The following NEDD4L variants were observed in gnomAD, a reference collection of about 807,000 sequenced individuals.
NEDD4L encodes the protein NEDD4 like E3 ubiquitin protein ligase.
In NEDD4L, 54 loss-of-function variants were observed where a neutral mutation model predicts 148.9. The ratio of observed to expected loss-of-function variants is 0.36; its 90% CI spans 0.29 to 0.45. The LOEUF is 0.45. Among genes scored for constraint, NEDD4L ranks in the 20% least tolerant of loss-of-function variants. The pLI is 1.00. For missense variants in NEDD4L, 856 were observed against 1,233.8 expected (o/e 0.69, Z 4.59); for synonymous variants, 433 against 440.7 (o/e 0.98, Z 0.22).
In NEDD4L at chr18:58,102,913, A is replaced by G. The variant is rs146863006; in HGVS notation, c.48+58205A>G. Among the ~76,000 whole-genome samples the G allele has an allele frequency of 1.3e-3, 191 of 152,302 alleles. 1 individual carries two copies. The highest frequency in any genetic ancestry group is 4.2e-3 in the African/African-American group (174 of 41,566). ...TATGTACTGTAAAATTGTAATCTTG[A>G]AAGTTTGATCCTGTGGCAGCTGCTA... On this transcript the variant is annotated intron_variant, in intron 1 of 30. Transcript: ENST00000400345.
chr18:58,130,486 G>A lies in NEDD4L; in HGVS notation c.49-35302G>A, dbSNP rs190502060. Among the ~76,000 whole-genome samples, 405 of 138,616 alleles carry A rather than the reference G, an allele frequency of 2.9e-3. 3 individuals are homozygous for A. Among genetic ancestry groups the A allele is most frequent in the Non-Finnish European group, 5.1e-3 (324 of 63,450 alleles). The allele number at this position is 138,616 out of a possible 152,430, so 90.9% of individuals were successfully genotyped here. A position where few individuals can be genotyped will look rare whatever the true frequency, so the allele number is the denominator to read the frequency against. The stretch of plus-strand genomic sequence containing the variant: ...ATCTAGCGGAACTGTGGCGGTGTTG[G>A]GCTCTGTTGGGGTTTGGTTGTGATC... On this transcript the variant is annotated intron_variant, in intron 1 of 30. Transcript: ENST00000400345.
chr18:58,349,356 A>T (rs1251155765), intron 16 of NEDD4L, among the ~76,000 whole-genome samples, 181 bp from the exon 17 acceptor site: 3 of 152,136 alleles, frequency 2.0e-5, no homozygotes, highest in African/African-American at 7.2e-5. Flanking sequence ...GGAAGAGTAC[A>T]GTCTGTCTCG....
intron 2 of NEDD4L, among the ~76,000 whole-genome samples, chr18:58,221,928 T>A (rs1691177410): frequency 6.6e-6 from 1 of 152,180 alleles, no homozygotes; most frequent in African/African-American, 2.4e-5. Context: ...CTATAATTGG[T>A]CAATTTTACC....
chr18:58,343,313 G>T lies in NEDD4L; in HGVS notation c.1575+210G>T, dbSNP rs3816005. 0.3 allele frequency among the ~76,000 whole-genome samples: 45,497 copies of T among 151,944 alleles called. 7,005 individuals carry two copies. The highest frequency in any genetic ancestry group is 0.4 in the Middle Eastern group (117 of 294). On this transcript the variant is annotated intron_variant, in intron 16 of 30. Coordinates refer to ENST00000400345, the MANE Select transcript of NEDD4L (RefSeq NM_001144967.3). ...GCTGGTAGCTGTCTTTGGTATTGGT[G>T]CTGGGACTGCCTTTTCTCCTGGGAA...
chr18:58,174,025 G>A (rs915131074), intron 2 of NEDD4L, among the ~76,000 whole-genome samples: 1 of 152,190 alleles, frequency 6.6e-6, no homozygotes, highest in Admixed American at 6.5e-5. Context: ...ACCATGCTGG[G>A]GTGCCCTAGC....
At chr18:58,154,981 T>C (rs958143465) in intron 1 of NEDD4L, among the ~76,000 whole-genome samples, 1 of 152,214 alleles carries the variant, frequency 6.6e-6, no homozygotes, top group Non-Finnish European at 1.5e-5. Context: ...GTCCATATTA[T>C]GACAATTCAA....
chr18:58,186,424 C>T (rs1458080840), intron 2 of NEDD4L, among the ~76,000 whole-genome samples: 1 of 152,194 alleles, frequency 6.6e-6, no homozygotes, highest in Admixed American at 6.5e-5. Context: ...GTAAATTGGC[C>T]TCTAGCCCAT....
Position 58,351,074 on chromosome 18 carries a change from G to T in NEDD4L, c.1708+29G>T, listed in dbSNP as rs544117738. The stretch of plus-strand genomic sequence containing the variant: ...AGTAGGCGCTGTTATGGACACACAG[G>T]TGTTGTGGGTTAGAGGGAAGGAGTA... On this transcript the variant is annotated intron_variant, in intron 18 of 30. Transcript: ENST00000400345. The T allele has an allele frequency of 3.2e-6, 5 of 1,568,062 alleles. No individual in the cohort carries two copies. The East Asian group carries it at 1.2e-4, about 36-fold the overall frequency.
chr18:58,110,291 G>T (rs1240627359), intron 1 of NEDD4L, among the ~76,000 whole-genome samples: 1 of 152,208 alleles, frequency 6.6e-6, no homozygotes, highest in East Asian at 1.9e-4. Context: ...GATGGAGAAT[G>T]CCAGCTCCTC....
chr18:58,254,250 G>T (rs981599891), intron 5 of NEDD4L, among the ~76,000 whole-genome samples: 2 of 152,062 alleles, frequency 1.3e-5, no homozygotes, highest in African/African-American at 4.8e-5. Flanking sequence ...TACTCTTACA[G>T]CTTGGTATTT....
At chr18:58,257,847 A>T (rs1442450437) in intron 5 of NEDD4L, among the ~76,000 whole-genome samples, 1 of 152,088 alleles carries the variant, frequency 6.6e-6, no homozygotes, top group East Asian at 1.9e-4. Flanking sequence ...TGAATTGGAT[A>T]TTTTTTCTCC....
chr18:58,286,571 A>G (rs139009369), intron 5 of NEDD4L, among the ~76,000 whole-genome samples: 70 of 152,176 alleles, frequency 4.6e-4, no homozygotes, highest in African/African-American at 1.6e-3. Flanking sequence ...ACTCTTTATC[A>G]TGTTGATAAA....
At chr18:58,328,576 T>TAGC (rs2059516728) in intron 9 of NEDD4L, among the ~76,000 whole-genome samples, 1 of 152,208 alleles carries the variant, frequency 6.6e-6, no homozygotes, top group African/African-American at 2.4e-5. Context: ...TGACCAGAAG[T>TAGC]AGCTGCCTTG....
chr18:58,063,283 C>G lies in NEDD4L; in HGVS notation c.48+18575C>G, dbSNP rs578188343. On this transcript the variant is annotated intron_variant, in intron 1 of 30. Transcript: ENST00000400345. ...TGTTGCCCAGGCTGGTCTCGAACTC[C>G]TGGGCTCAGGCAGTCATCCTGCCTC... 7.9e-5 allele frequency among the ~76,000 whole-genome samples: 12 copies of G among 151,842 alleles called. No individual in the cohort carries two copies. The East Asian group carries it at 2.3e-3, about 30-fold the overall frequency.
chr18:58,386,339 C>T (rs1326925446), intron 26 of NEDD4L, among the ~76,000 whole-genome samples: 6 of 152,192 alleles, frequency 3.9e-5, no homozygotes, highest in African/African-American at 1.4e-4. Flanking sequence ...GCATGAGCCG[C>T]CGCGCCCAGC....
At chr18:58,312,992 A>G (rs1251216836) in intron 5 of NEDD4L, among the ~76,000 whole-genome samples, 1 of 152,158 alleles carries the variant, frequency 6.6e-6, no homozygotes, top group African/African-American at 2.4e-5. Context: ...TTTTGTTTTT[A>G]ATCGGTGTAG....
chr18:58,176,321 C>T (rs1480263644), intron 2 of NEDD4L, among the ~76,000 whole-genome samples: 2 of 151,988 alleles, frequency 1.3e-5, no homozygotes, highest in African/African-American at 2.4e-5. Context: ...CATTTCCCCC[C>T]TCATCTCTTT....
chr18:58,390,162 A>G (rs947600705), intron 28 of NEDD4L: 1 of 153,702 alleles, frequency 6.5e-6, no homozygotes, highest in Admixed American at 6.4e-5. Flanking sequence ...TAAGATACAC[A>G]GATTATTTTA....
intron 1 of NEDD4L, among the ~76,000 whole-genome samples, chr18:58,118,540 C>T (rs1268482179): frequency 2.6e-5 from 4 of 152,306 alleles, no homozygotes; most frequent in East Asian, 3.9e-4. Flanking sequence ...TTTCAGTGCT[C>T]GCCACTCTAG....
Sources: gnomAD v4.1 joint callset for allele counts (sites outside exome capture counted in the v4.1 genomes callset) on GRCh38, gnomAD v4.1.1 for gene constraint, MANE v1.5 for transcripts, NCBI Gene and HGNC (gene_info 2026-07-23, HGNC 2026-07-21) for gene names.